Variants in WTAP observed in about 807,000 individuals in gnomAD.
The protein encoded by WTAP is WT1 associated protein.
In WTAP, 8 loss-of-function variants were observed where a neutral mutation model predicts 50.0. The observed-to-expected ratio is 0.16, with a 90% confidence interval of 0.09 to 0.29. The LOEUF (loss-of-function observed/expected upper bound fraction) is 0.29. WTAP is among the 10% of genes least tolerant of loss of function. The pLI, the probability that WTAP is intolerant of heterozygous loss-of-function variation, is 1.00. For missense variants in WTAP, 295 were observed against 470.7 expected, an observed-to-expected ratio of 0.63 and a Z score of 3.45; for synonymous variants, 194 against 169.0, an observed-to-expected ratio of 1.15 and a Z score of -1.15.
chr6:159,739,041 C>G lies in WTAP; in HGVS notation c.82C>G (p.Leu28Val). Reference sequence around the variant, plus strand: ...AGTTATGGCAAGAGATGAGTTAATTCTAAGGTAAAATGTTCTCTGTTCAAA... The same window carrying G: ...AGTTATGGCAAGAGATGAGTTAATTGTAAGGTAAAATGTTCTCTGTTCAAA... ...FKVMARDELI[L>V]RWKQYEAYVQ... Residue 28 changes from leucine (L) to valine (V), a missense_variant, in exon 3 of 8, where the codon CTA becomes GTA. Transcript: ENST00000621533. The G allele has an allele frequency of 6.2e-7, 1 of 1,610,338 alleles. No homozygotes were observed. The highest frequency in any genetic ancestry group is 8.5e-7 in the Non-Finnish European group (1 of 1,177,752).
chr6:159,739,851 T>C (rs1934230233), intron 3 of WTAP, among the ~76,000 whole-genome samples: 1 of 54,728 alleles, frequency 1.8e-5, no homozygotes, highest in Admixed American at 1.9e-4. Flanking sequence ...TTTTTTTTTT[T>C]TTTTTTGCCA....
Position 159,755,765 on chromosome 6 carries a change from C to CTTTTTTTTTTTTTTTTTTTTTTTA in WTAP, c.*177_*178insATTTTTTTTTTTTTTTTTTTTTTT. ...TTTTTCTTTGTTTTTTTTTTCTTTT[C>CTTTTTTTTTTTTTTTTTTTTTTTA]TTTTTTTTTTTTTTTTTTTTTTTTT... On this transcript the variant is annotated 3_prime_UTR_variant, in exon 8 of 8. Coordinates refer to ENST00000621533, the MANE Select transcript of WTAP (RefSeq NM_001270531.2). 5.8e-6 allele frequency: 1 copy of CTTTTTTTTTTTTTTTTTTTTTTTA among 171,464 alleles called. No homozygotes were observed. Among genetic ancestry groups the CTTTTTTTTTTTTTTTTTTTTTTTA allele is most frequent in the Non-Finnish European group, 7.1e-6 (1 of 140,800 alleles). The allele number at this position is 171,464 out of a possible 1,614,324, so 10.6% of individuals were successfully genotyped here.
At chr6:159,739,294 C>T (rs1215009215) in intron 3 of WTAP, among the ~76,000 whole-genome samples, 1 of 152,018 alleles carries the variant, frequency 6.6e-6, no homozygotes, top group Non-Finnish European at 1.5e-5. Context: ...TTTTTCCTTT[C>T]GTGTTTAACA....
intron 4 of WTAP, among the ~76,000 whole-genome samples, chr6:159,742,848 G>A (rs1779344512): frequency 6.6e-6 from 1 of 151,624 alleles, no homozygotes; most frequent in Non-Finnish European, 1.5e-5. Flanking sequence ...TTGAGCCCAG[G>A]AGTTTGAGAC....
chr6:159,727,500 G>T (rs1380850491), upstream of WTAP: 2 of 993,462 alleles, frequency 2.0e-6, no homozygotes, highest in Middle Eastern at 5.1e-4. Flanking sequence ...GGCGGGGCCT[G>T]GTTTCCTCCC....
chr6:159,727,314 G>A, upstream of WTAP: 1 of 1,281,216 alleles, frequency 7.8e-7, no homozygotes, highest in Non-Finnish European at 1.0e-6. Context: ...CTGCGGCCAC[G>A]CCTGAAAGGC....
chr6:159,736,377 T>C, intron 2 of WTAP, 82 bp downstream of exon 2: 1 of 1,074,188 alleles, frequency 9.3e-7, no homozygotes, highest in South Asian at 1.4e-5. Context: ...AAAAATAGAC[T>C]TGAAGGGATT....
In WTAP at chr6:159,748,429, T is replaced by A; in HGVS notation, c.452+60T>A. 6.3e-7 allele frequency: 1 copy of A among 1,593,222 alleles called. No individual in the cohort carries two copies. Among genetic ancestry groups the A allele is most frequent in the Non-Finnish European group, 8.6e-7 (1 of 1,167,666 alleles). ...TGACAGTCCCACTACGAGAAAGCTG[T>A]GGTGGGACAGCCAAGTACTCGTTTC... On this transcript the variant is annotated intron_variant, in intron 6 of 7. Coordinates refer to ENST00000621533, the MANE Select transcript of WTAP (RefSeq NM_001270531.2). This position sits in a 1 kb window ranked among gnomAD's most constrained non-coding sequence, Gnocchi z 5.6.
intron 2 of WTAP, 131 bp downstream of exon 2, chr6:159,736,426 A>AAGG: frequency 1.4e-6 from 1 of 729,100 alleles, no homozygotes; most frequent in Non-Finnish European, 2.4e-6. Context: ...TGCCTTTATA[A>AAGG]CAATAATAGC....
In WTAP at chr6:159,742,138, A is replaced by C; in HGVS notation, c.137A>C (p.Asp46Ala). ...YVQALEGKYTDLNSNDVTGLR... is the reference protein window; with the variant it reads ...YVQALEGKYTALNSNDVTGLR... ...CAAGCTTTGGAGGGCAAGTACACAG[A>C]TCTTAACTGTAAGTTTGAGTTTTAG... The change falls in exon 4 of 8, where the codon GAT (aspartate) becomes GCT (alanine). Residue 46 changes from aspartate to alanine, a missense_variant. Around this residue, in one of 2 missense-constraint regions of WTAP, gnomAD observed 120 missense variants for 287.6 expected, o/e 0.42. Transcript: ENST00000621533. 5 of 1,605,240 alleles carry C rather than the reference A, an allele frequency of 3.1e-6. No individual in the cohort carries two copies. The highest frequency in any genetic ancestry group is 4.2e-6 in the Non-Finnish European group (5 of 1,177,484).
chr6:159,748,074 AG>A lies in WTAP; in HGVS notation c.274-116del. 7.9e-7 allele frequency: 1 copy of A among 1,264,476 alleles called. No individual in the cohort carries two copies. Among genetic ancestry groups the A allele is most frequent in the Non-Finnish European group, 1.1e-6 (1 of 925,752 alleles). The allele number at this position is 1,264,476 out of a possible 1,614,324, so 78.3% of individuals were successfully genotyped here. ...TTTTTCTAGAGAATTTCAGGATCAA[AG>A]AGGGGAGGAGCTTAATGAAAGAGTT... On this transcript the variant is annotated intron_variant, in intron 5 of 7. Transcript: ENST00000621533. The surrounding 1 kb of genome is among the most constrained non-coding windows in gnomAD (Gnocchi z 5.6).
In WTAP at chr6:159,737,595, G is replaced by A. The variant is rs138215315; in HGVS notation, c.30+1300G>A. ...TGTGGCCTCATACCCCAGCTTATGCGATCCTCCCACCTTTGCCCCCCAAAG... is the reference window on the plus strand; with the variant it reads ...TGTGGCCTCATACCCCAGCTTATGCAATCCTCCCACCTTTGCCCCCCAAAG... On this transcript the variant is annotated intron_variant, in intron 2 of 7. Transcript: ENST00000621533. Among the ~76,000 whole-genome samples the A allele has an allele frequency of 5.2e-3, 790 of 152,000 alleles. 5 individuals are homozygous for A. The highest frequency in any genetic ancestry group is 0.018 in the African/African-American group (748 of 41,444).
intron 3 of WTAP, 29 bp from the exon 4 acceptor site, chr6:159,742,056 TAAC>T (rs747546577): frequency 1.4e-6 from 2 of 1,480,748 alleles, no homozygotes; most frequent in African/African-American, 2.8e-5. Flanking sequence ...TATTTTATCG[TAAC>T]AACTAATGTA....
At chr6:159,745,330 G>A (rs141845020) in intron 5 of WTAP, 2 of 152,088 alleles carry the variant, frequency 1.3e-5, no homozygotes, top group Non-Finnish European at 1.5e-5. Flanking sequence ...TGGCAGTTTT[G>A]ATCATATTAC....
intron 5 of WTAP, among the ~76,000 whole-genome samples, chr6:159,744,506 C>G (rs1049830280): frequency 7.2e-6 from 1 of 139,604 alleles, no homozygotes; most frequent in Non-Finnish European, 1.5e-5. Context: ...TTGGAGACAC[C>G]AAAAATCTAT....
chr6:159,741,951 A>T, intron 3 of WTAP, 137 bp from the exon 4 acceptor site: 5 of 662,048 alleles, frequency 7.6e-6, no homozygotes, highest in South Asian at 1.8e-5. Flanking sequence ...GACTCTGTCT[A>T]AAAAAAACTA....
chr6:159,734,059 A>G (rs879444217), intron 1 of WTAP, among the ~76,000 whole-genome samples: 7 of 152,234 alleles, frequency 4.6e-5, no homozygotes, highest in Non-Finnish European at 4.4e-5. Context: ...AGAATGTTTC[A>G]TTTATAAAGT....
chr6:159,740,623 G>C (rs1779194097), intron 3 of WTAP, among the ~76,000 whole-genome samples: 1 of 151,798 alleles, frequency 6.6e-6, no homozygotes, highest in African/African-American at 2.4e-5. Context: ...TAAAAATAAA[G>C]CATGGCCTTG....
intron 4 of WTAP, 58 bp downstream of exon 4, chr6:159,742,204 C>T: frequency 7.2e-7 from 1 of 1,393,514 alleles, no homozygotes; most frequent in East Asian, 2.3e-5. Context: ...TTGTTAAAAT[C>T]AAAAGGATAG....
Sources: gnomAD v4.1 joint callset for allele counts (sites outside exome capture counted in the v4.1 genomes callset) on GRCh38, gnomAD v4.1.1 for gene constraint, gnomAD v4.1.1 regional missense constraint, Gnocchi (gnomAD v3.1) non-coding constraint, MANE v1.5 for transcripts, NCBI Gene and HGNC (gene_info 2026-07-23, HGNC 2026-07-21) for gene names.